Variants in DENND5A observed in about 807,000 individuals in gnomAD.
The protein encoded by DENND5A is DENN domain-containing protein 5A.
DENND5A carries 64 observed loss-of-function variants against 140.3 expected under a neutral mutation model. That is an observed-to-expected ratio of 0.46 (90% CI 0.37 to 0.56). The LOEUF is 0.56. DENND5A is among the 20% of genes least tolerant of loss of function. DENND5A has a pLI of 0.00. For missense variants in DENND5A, 1,292 were observed against 1,593.8 expected (o/e 0.81, Z 3.22); for synonymous variants, 605 against 607.7 (o/e 1.00, Z 0.07).
At chr11:9,222,620 T>C (rs1439427688) in intron 1 of DENND5A, among the ~76,000 whole-genome samples, 1 of 152,110 alleles carries the variant, frequency 6.6e-6, no homozygotes, top group Non-Finnish European at 1.5e-5. Context: ...AGAATAGGGA[T>C]AAATAGAGCC....
At position 9,144,087 on chromosome 11, in the gene DENND5A, T is replaced by G; in HGVS notation, c.3304+10A>C. ...TATGGCATGAGGGCCCAACCCCTCC[T>G]CCCACTTACTGGGCTTGTTGTTGGG... On this transcript the variant is annotated intron_variant, in intron 19 of 22. Transcript: ENST00000328194. The G allele has an allele frequency of 6.2e-7, 1 of 1,611,086 alleles. No individual in the cohort carries two copies.
rs1002573249 is a variant in DENND5A at position 9,152,429 on chromosome 11, A to G, written c.2450T>C (p.Leu817Ser). Residue 817 changes from leucine to serine, a missense_variant, in exon 13 of 23, where the codon TTA becomes TCA. Coordinates refer to ENST00000328194, the MANE Select transcript of DENND5A (RefSeq NM_015213.4). ...CTGATAATGTAACAGGTGGGACCAT[A>G]AGGCTGATTTCCCCTGGAACCAATG... ...GLQVKQGKSA[L>S]WSHLLHYQDN... 1 of 1,613,542 alleles carries G rather than the reference A, an allele frequency of 6.2e-7. No homozygotes were observed. The highest frequency in any genetic ancestry group is 8.5e-7 in the Non-Finnish European group (1 of 1,179,460).
At chr11:9,255,629 G>C (rs1851913117) in intron 1 of DENND5A, among the ~76,000 whole-genome samples, 1 of 152,120 alleles carries the variant, frequency 6.6e-6, no homozygotes, top group African/African-American at 2.4e-5. Flanking sequence ...ACTTTGGAAG[G>C]CAGAGGCAGG....
chr11:9,218,543 T>C (rs1242505101), intron 1 of DENND5A, among the ~76,000 whole-genome samples: 2 of 151,980 alleles, frequency 1.3e-5, no homozygotes, highest in Non-Finnish European at 2.9e-5. Flanking sequence ...CTGTGCAACA[T>C]GGCGAAATCC....
rs934250966 is a variant in DENND5A, at chr11:9,201,965, C to A, written c.949+1695G>T. Among the ~76,000 whole-genome samples, 29 of 152,048 alleles carry A rather than the reference C, an allele frequency of 1.9e-4. 1 individual carries two copies. The highest frequency in any genetic ancestry group is 1.2e-3 in the Admixed American group (18 of 15,266). ...TAACCAAGTAAGCAGATTAGTATCA[C>A]CAAAAATGAGACAAAATGACATCAT... On this transcript the variant is annotated intron_variant, in intron 4 of 22. Transcript: ENST00000328194.
In DENND5A at chr11:9,160,747, T is replaced by C; in HGVS notation, c.2402A>G (p.Glu801Gly). Residue 801 changes from glutamate (E) to glycine (G), a missense_variant, in exon 12 of 23, where the codon GAA becomes GGA. By Grantham distance (98) the Glu-to-Gly change is moderately conservative. Transcript: ENST00000328194. ...TLIASLCDLL[E>G]RIWSHGLQVK... is the part of the protein sequence containing the mutation. ...TTGTAGTCCATGACTCCAGATCCTT[T>C]CCAGGAGATCACAAAGGCTGGCAAT... is the stretch of plus-strand genomic sequence containing the variant. The C allele has an allele frequency of 6.2e-7, 1 of 1,613,782 alleles. No individual in the cohort carries two copies. Among genetic ancestry groups the C allele is most frequent in the Non-Finnish European group, 8.5e-7 (1 of 1,179,740 alleles).
chr11:9,207,939 A>G (rs1250787640), intron 1 of DENND5A, among the ~76,000 whole-genome samples: 1 of 152,216 alleles, frequency 6.6e-6, no homozygotes, highest in African/African-American at 2.4e-5. Context: ...GAAGAGCTCA[A>G]CTGATACCAA....
chr11:9,188,648 G>A (rs1849005544), intron 5 of DENND5A, among the ~76,000 whole-genome samples: 1 of 152,190 alleles, frequency 6.6e-6, no homozygotes, highest in African/African-American at 2.4e-5. Flanking sequence ...TGGAGCAAAG[G>A]TGACTCTTGT....
chr11:9,166,594 G>A (rs940054151), intron 10 of DENND5A, among the ~76,000 whole-genome samples: 2 of 152,200 alleles, frequency 1.3e-5, no homozygotes, highest in South Asian at 4.1e-4. Context: ...AGCACTTTGG[G>A]AGGCTGAGGT....
chr11:9,173,240 C>G (rs1233663958), intron 8 of DENND5A, among the ~76,000 whole-genome samples: 1 of 152,162 alleles, frequency 6.6e-6, no homozygotes, highest in Non-Finnish European at 1.5e-5. Context: ...ACCAGCAGAT[C>G]TACACTACAA....
chr11:9,246,765 T>G (rs1470422503), intron 1 of DENND5A, among the ~76,000 whole-genome samples: 1 of 152,194 alleles, frequency 6.6e-6, no homozygotes, highest in Non-Finnish European at 1.5e-5. Context: ...TACAAAGCTT[T>G]TCTTCCTTAA....
intron 1 of DENND5A, among the ~76,000 whole-genome samples, chr11:9,247,489 T>C (rs1219019554): frequency 6.9e-6 from 1 of 144,086 alleles, no homozygotes; most frequent in Non-Finnish European, 1.5e-5. Context: ...GCTTTTAAAA[T>C]CAAGAAAAAA....
chr11:9,222,813 C>T (rs919588593), intron 1 of DENND5A, among the ~76,000 whole-genome samples: 73 of 152,312 alleles, frequency 4.8e-4, no homozygotes, highest in African/African-American at 1.7e-3. Context: ...GCCTCAAGAA[C>T]GTGCTTTCCA....
intron 21 of DENND5A, among the ~76,000 whole-genome samples, chr11:9,142,455 G>A (rs1590201494): frequency 6.6e-6 from 1 of 152,228 alleles, no homozygotes; most frequent in African/African-American, 2.4e-5. Flanking sequence ...TAAGGGGAAA[G>A]TGTGAGGACT....
intron 8 of DENND5A, among the ~76,000 whole-genome samples, chr11:9,174,636 G>A (rs1848490133): frequency 6.6e-6 from 1 of 150,652 alleles, no homozygotes; most frequent in African/African-American, 2.4e-5. Flanking sequence ...CTAGTTCAAA[G>A]TTACAGAAAA....
chr11:9,151,106 G>T (rs1471697339), intron 13 of DENND5A, among the ~76,000 whole-genome samples: 1 of 152,138 alleles, frequency 6.6e-6, no homozygotes, highest in Admixed American at 6.5e-5. Flanking sequence ...AGACCTCCTG[G>T]CTCCTAGTCT....
intron 1 of DENND5A, among the ~76,000 whole-genome samples, chr11:9,233,398 CAA>C (rs1001576602): frequency 4.1e-4 from 22 of 54,068 alleles, no homozygotes; most frequent in Non-Finnish European, 3.6e-4. Context: ...GACTCTGTCT[CAA>C]AAAAAAAAAA....
At chr11:9,180,128 G>A (rs1848678970) in intron 6 of DENND5A, among the ~76,000 whole-genome samples, 1 of 152,076 alleles carries the variant, frequency 6.6e-6, no homozygotes, top group Non-Finnish European at 1.5e-5. Context: ...ATCTGCCTTA[G>A]GTTGCTGTGA....
At chr11:9,200,388 G>C (rs1185924636) in intron 4 of DENND5A, among the ~76,000 whole-genome samples, 1 of 152,208 alleles carries the variant, frequency 6.6e-6, no homozygotes, top group South Asian at 2.1e-4. Flanking sequence ...CACCCAGAGA[G>C]AGGAGGCTCT....
Sources: allele counts gnomAD v4.1 joint callset (sites outside exome capture counted in the v4.1 genomes callset), GRCh38; gene constraint gnomAD v4.1.1; transcripts MANE v1.5; gene names NCBI Gene and HGNC (gene_info 2026-07-23, HGNC 2026-07-21).